The following QTMAN variants were observed in gnomAD, a reference collection of about 807,000 sequenced individuals.
QTMAN encodes the protein queuosine-tRNA mannosyltransferase.
chr2:144,068,831 G>C, the QTMAN span, among the ~76,000 whole-genome samples: 1 of 152,124 alleles, frequency 6.6e-6, no homozygotes, highest in Non-Finnish European at 1.5e-5. Context: ...TCAAAGCAAA[G>C]TTAAATTTCT....
At chr2:144,077,059 AAAAAAG>A in the QTMAN span, among the ~76,000 whole-genome samples, 19 of 152,198 alleles carry the variant, frequency 1.2e-4, no homozygotes, top group African/African-American at 4.6e-4. Context: ...CCAAAAAAAA[AAAAAAG>A]AGAGATTAAG....
At chr2:144,167,105 T>G in the QTMAN span, among the ~76,000 whole-genome samples, 2 of 152,232 alleles carry the variant, frequency 1.3e-5, no homozygotes, top group Admixed American at 6.5e-5. Context: ...TTCAATTCAG[T>G]ATGCTCTCAT....
chr2:143,976,197 C>T, the QTMAN span, among the ~76,000 whole-genome samples: 128 of 151,394 alleles, frequency 8.5e-4, no homozygotes, highest in African/African-American at 3.0e-3. Flanking sequence ...TTTTTTCCTT[C>T]CCACATATAA....
chr2:144,171,030 T>C, the QTMAN span, among the ~76,000 whole-genome samples: 13 of 152,130 alleles, frequency 8.5e-5, no homozygotes, highest in African/African-American at 2.7e-4. Context: ...GTACCACTGT[T>C]CACTAGCTGT....
the QTMAN span, among the ~76,000 whole-genome samples, chr2:144,240,612 C>G: frequency 2.0e-5 from 3 of 152,190 alleles, no homozygotes; most frequent in Non-Finnish European, 4.4e-5. Flanking sequence ...CTTTATACTT[C>G]AAGTCTACTA....
the QTMAN span, chr2:144,006,139 G>A: frequency 6.6e-6 from 1 of 152,158 alleles, no homozygotes; most frequent in African/African-American, 2.4e-5. Flanking sequence ...CCTTAGAAAG[G>A]CTATGCTGGA....
At chr2:144,141,141 G>A in the QTMAN span, among the ~76,000 whole-genome samples, 1 of 152,082 alleles carries the variant, frequency 6.6e-6, no homozygotes, top group Admixed American at 6.6e-5. Context: ...AAAAACAGCA[G>A]CGTCTCCTGC....
the QTMAN span, among the ~76,000 whole-genome samples, chr2:144,307,759 C>G: frequency 1.3e-5 from 2 of 152,074 alleles, no homozygotes; most frequent in African/African-American, 4.8e-5. Context: ...GTCCTATTCA[C>G]CTAGGACAAA....
the QTMAN span, among the ~76,000 whole-genome samples, chr2:144,232,264 T>C: frequency 6.6e-6 from 1 of 152,240 alleles, no homozygotes; most frequent in South Asian, 2.1e-4. Context: ...TGAGAGAAAA[T>C]AACAGGTGAG....
the QTMAN span, chr2:143,940,371 CT>C: frequency 1.3e-5 from 2 of 152,132 alleles, no homozygotes; most frequent in Non-Finnish European, 2.9e-5. Flanking sequence ...TTATATTGTA[CT>C]TGATTATCAG....
the QTMAN span, among the ~76,000 whole-genome samples, chr2:144,213,389 T>C: frequency 6.6e-6 from 1 of 152,212 alleles, no homozygotes; most frequent in African/African-American, 2.4e-5. Context: ...CTGAAAAGTA[T>C]ATGCTAAATA....
chr2:144,066,409 A>G, the QTMAN span, among the ~76,000 whole-genome samples: 1 of 152,242 alleles, frequency 6.6e-6, no homozygotes, highest in Non-Finnish European at 1.5e-5. Flanking sequence ...CCTTTAAAGT[A>G]ATGTCAGCAA....
At chr2:144,037,149 T>A in the QTMAN span, among the ~76,000 whole-genome samples, 1 of 152,194 alleles carries the variant, frequency 6.6e-6, no homozygotes, top group East Asian at 1.9e-4. Flanking sequence ...TAAGCAGTTT[T>A]CCTTTGGAGT....
the QTMAN span, chr2:144,145,790 TC>T: frequency 6.8e-7 from 1 of 1,473,250 alleles, no homozygotes; most frequent in Non-Finnish European, 9.3e-7. Context: ...TTTGAAGGGA[TC>T]ATGCTTTGCT....
chr2:144,003,400 G>A, the QTMAN span, among the ~76,000 whole-genome samples: 20,294 of 150,846 alleles, frequency 0.13, 2,433 homozygotes, highest in African/African-American at 0.3. Context: ...CATTTGTATA[G>A]TATTTGGAAA....
chr2:144,310,495 T>C, the QTMAN span, among the ~76,000 whole-genome samples: 4 of 152,222 alleles, frequency 2.6e-5, no homozygotes, highest in Admixed American at 1.3e-4. Context: ...GGATACTGCA[T>C]TGAGACCAGA....
the QTMAN span, among the ~76,000 whole-genome samples, chr2:144,046,437 G>A: frequency 6.6e-6 from 1 of 152,122 alleles, no homozygotes. Context: ...CAGACCATAA[G>A]CGCAGTGGTG....
chr2:144,125,902 A>C, the QTMAN span, among the ~76,000 whole-genome samples: 1 of 152,112 alleles, frequency 6.6e-6, no homozygotes, highest in Admixed American at 6.6e-5. Flanking sequence ...CTGCCTTATC[A>C]GATGGTAAAA....
At chr2:143,939,995 T>TC in the QTMAN span, 1 of 152,244 alleles carries the variant, frequency 6.6e-6, no homozygotes, top group Non-Finnish European at 1.5e-5. Flanking sequence ...AAGAGCTTAA[T>TC]ACTTGCCCGT....
Sources: allele counts gnomAD v4.1 joint callset (sites outside exome capture counted in the v4.1 genomes callset), GRCh38; gene constraint gnomAD v4.1.1; transcripts MANE v1.5; gene names NCBI Gene and HGNC (gene_info 2026-07-23, HGNC 2026-07-21).